The following ERICH3 variants were observed in gnomAD, a reference collection of about 807,000 sequenced individuals.
The protein encoded by ERICH3 is glutamate-rich protein 3.
ERICH3 carries 126 observed loss-of-function variants against 131.1 expected under a neutral mutation model. The ratio of observed to expected loss-of-function variants is 0.96; its 90% CI spans 0.83 to 1.11. The LOEUF is 1.11. Ranked by LOEUF, ERICH3 falls within the 50% of genes most tolerant of loss-of-function variation. The pLI is 0.00. For missense variants in ERICH3, 2,050 were observed against 1,810.7 expected, an observed-to-expected ratio of 1.13 and a Z score of -2.40; for synonymous variants, 695 against 644.6, an observed-to-expected ratio of 1.08 and a Z score of -1.18.
At chr1:74,645,300 T>G (rs1444847546) in intron 3 of ERICH3, among the ~76,000 whole-genome samples, 11 of 152,056 alleles carry the variant, frequency 7.2e-5, no homozygotes, top group Non-Finnish European at 8.8e-5. Context: ...AGTGAATGCA[T>G]GAATGTGAAT....
Position 74,620,750 on chromosome 1 carries a change from G to A in ERICH3, c.984C>T (p.Gly328=), listed in dbSNP as rs1298675534. The change falls in exon 8 of 15, where the codon GGC becomes GGT. Residue 328 remains glycine, a synonymous_variant. Transcript: ENST00000326665. ...TATGTGTACCTTTTTCAAGTAGTTT[G>A]CCTTTGTAGACACAAAGGTTTTCCC... ...CGGENLCVYK[G]KLLEKETFQF... 2 of 1,604,636 alleles carry A rather than the reference G, an allele frequency of 1.2e-6. No individual in the cohort carries two copies. The highest frequency in any genetic ancestry group is 4.5e-5 in the East Asian group (2 of 44,620).
intron 6 of ERICH3, among the ~76,000 whole-genome samples, chr1:74,634,066 C>T (rs945714973): frequency 1.3e-5 from 2 of 152,062 alleles, no homozygotes; most frequent in Non-Finnish European, 2.9e-5. Context: ...CATGTATATA[C>T]TTTACTCTTT....
intron 10 of ERICH3, 106 bp from the exon 11 acceptor site, chr1:74,600,037 C>G (rs1320935147): frequency 1.3e-6 from 1 of 763,594 alleles, no homozygotes; most frequent in Admixed American, 2.8e-5. Context: ...CTTCTCTGAG[C>G]CTTTCTTTGC....
chr1:74,654,356 G>GTATATA (rs142830870), intron 1 of ERICH3, among the ~76,000 whole-genome samples: 7 of 150,130 alleles, frequency 4.7e-5, no homozygotes, highest in African/African-American at 1.5e-4. Context: ...TAGGATATGT[G>GTATATA]TATATATATA....
chr1:74,648,448 G>T (rs965553196), intron 2 of ERICH3, among the ~76,000 whole-genome samples: 2 of 152,116 alleles, frequency 1.3e-5, no homozygotes, highest in Admixed American at 1.3e-4. Context: ...GGCAAGCTCG[G>T]TTTCAGCCAG....
chr1:74,651,780 G>C (rs571194019), intron 1 of ERICH3, among the ~76,000 whole-genome samples: 1 of 152,240 alleles, frequency 6.6e-6, no homozygotes, highest in South Asian at 2.1e-4. Context: ...AAAAAGTTGG[G>C]ATCACATAAA....
At chr1:74,595,274 C>T (rs1364352603) in intron 11 of ERICH3, among the ~76,000 whole-genome samples, 1 of 152,020 alleles carries the variant, frequency 6.6e-6, no homozygotes, top group Non-Finnish European at 1.5e-5. Flanking sequence ...GTGCTTTATA[C>T]TCAATAAATG....
chr1:74,579,378 A>G (rs1647135974), intron 12 of ERICH3: 2 of 984,608 alleles, frequency 2.0e-6, no homozygotes, highest in South Asian at 4.7e-5. Context: ...AAACAATACT[A>G]ACATCATCTG....
Position 74,606,842 on chromosome 1 carries a change from C to T in ERICH3, c.1248G>A (p.Lys416=), listed in dbSNP as rs1648420482. The T allele has an allele frequency of 6.2e-7, 1 of 1,612,682 alleles. No homozygotes were observed. Among genetic ancestry groups the T allele is most frequent in the Non-Finnish European group, 8.5e-7 (1 of 1,179,322 alleles). The change falls in exon 10 of 15, where the codon AAG becomes AAA. Residue 416 remains lysine (K), a synonymous_variant. Coordinates refer to ENST00000326665, the MANE Select transcript of ERICH3 (RefSeq NM_001002912.5). ...KPSLPKSRKE[K]STEKGEELKK... is the part of the protein sequence containing the mutation. Reference sequence around the variant, plus strand: ...TCAGTTCCTCTCCTTTCTCAGTGCTCTTTTCTTTCCTAGATTTCGGCAAAG... The same window carrying T: ...TCAGTTCCTCTCCTTTCTCAGTGCTTTTTTCTTTCCTAGATTTCGGCAAAG...
In ERICH3 at chr1:74,641,369, C is replaced by T. The variant is rs1255090173; in HGVS notation, c.406G>A (p.Val136Ile). 1.9e-6 allele frequency: 3 copies of T among 1,612,748 alleles called. No individual in the cohort carries two copies. The highest frequency in any genetic ancestry group is 2.5e-6 in the Non-Finnish European group (3 of 1,179,422). ...CTGGAATGTCCTTCATCAACCAGAA[C>T]ACTATGGCCACGATTACTCTTTGGG... ...VGPKSNRGHS[V>I]LVDEGHSSPL... The change falls in exon 5 of 15, where the codon GTT becomes ATT. Residue 136 changes from valine to isoleucine, a missense_variant. Val to Ile is a conservative substitution (Grantham distance 29). Transcript: ENST00000326665.
chr1:74,599,421 A>T (rs1648012396), intron 11 of ERICH3, among the ~76,000 whole-genome samples: 1 of 151,864 alleles, frequency 6.6e-6, no homozygotes, highest in Non-Finnish European at 1.5e-5. Flanking sequence ...ACTGGGGCCT[A>T]TTGAAGGGTG....
At position 74,568,219 on chromosome 1, in the gene ERICH3, G is replaced by T. The variant is rs1392905289; in HGVS notation, c.*2239C>A. The T allele has an allele frequency of 1.3e-5, 2 of 152,094 alleles. No homozygotes were observed. Among genetic ancestry groups the T allele is most frequent in the East Asian group, 1.9e-4 (1 of 5,198 alleles). 9.4% of individuals were successfully genotyped at this position (152,094 alleles called of 1,614,324 possible). A position where few individuals can be genotyped will look rare whatever the true frequency, so the allele number is the denominator to read the frequency against. ...TATCAACATAGTATTTGCAGAGAAA[G>T]AATTCACTTATTCAAAATATCACAA... On this transcript the variant is annotated 3_prime_UTR_variant, in exon 15 of 15. Coordinates refer to ENST00000326665, the MANE Select transcript of ERICH3 (RefSeq NM_001002912.5).
rs1646909593 is a variant in ERICH3 at position 74,569,344 on chromosome 1, T to A, written c.*1114A>T. 6.6e-6 allele frequency: 1 copy of A among 152,158 alleles called. No individual in the cohort carries two copies. Among genetic ancestry groups the A allele is most frequent in the South Asian group, 2.1e-4 (1 of 4,828 alleles). The allele number at this position is 152,158 out of a possible 1,614,324, so 9.4% of individuals were successfully genotyped here. ...GCTTAAGGAAATTTTTTTTACCTTC[T>A]CATATAGAGAAATGGTAGACATATA... On this transcript the variant is annotated 3_prime_UTR_variant, in exon 15 of 15. Coordinates refer to ENST00000326665, the MANE Select transcript of ERICH3 (RefSeq NM_001002912.5).
intron 12 of ERICH3, 125 bp downstream of exon 12, chr1:74,589,506 C>A (rs914959740): frequency 4.3e-6 from 4 of 930,274 alleles, no homozygotes; most frequent in Non-Finnish European, 5.0e-6. Context: ...AGAGACACAG[C>A]AAAAAATCTT....
rs1008473782 is a variant in ERICH3, at chr1:74,620,861, C to A, written c.873G>T (p.Met291Ile). ...GGTGCACATTTTTCCCCAAATAGAT[C>A]ATTGTAATAGCTGCATTACTATGTA... ...TSLHSNAAITMIYLGKNVHLS... is the reference protein window; with the variant it reads ...TSLHSNAAITIIYLGKNVHLS... The change falls in exon 8 of 15, where the codon ATG becomes ATT. Residue 291 changes from methionine to isoleucine, a missense_variant. Transcript: ENST00000326665. The A allele has an allele frequency of 1.6e-5, 26 of 1,612,616 alleles. No individual in the cohort carries two copies. The highest frequency in any genetic ancestry group is 2.1e-5 in the Non-Finnish European group (25 of 1,179,182).
chr1:74,588,330 G>C (rs1472876184), intron 12 of ERICH3, among the ~76,000 whole-genome samples: 1 of 152,062 alleles, frequency 6.6e-6, no homozygotes, highest in Non-Finnish European at 1.5e-5. Context: ...ACTAACCTTT[G>C]TCTGGTGGTG....
chr1:74,618,187 A>G (rs1649063621), intron 8 of ERICH3, among the ~76,000 whole-genome samples: 1 of 152,184 alleles, frequency 6.6e-6, no homozygotes, highest in Admixed American at 6.5e-5. Flanking sequence ...AAAACCGTTA[A>G]TATAAGTCAA....
intron 5 of ERICH3, among the ~76,000 whole-genome samples, chr1:74,637,973 G>T (rs1484306176): frequency 2.0e-5 from 3 of 151,932 alleles, no homozygotes; most frequent in Non-Finnish European, 4.4e-5. Context: ...TGACCCAATT[G>T]TTCTAATGCA....
intron 6 of ERICH3, among the ~76,000 whole-genome samples, chr1:74,635,108 C>G (rs1227236882): frequency 6.6e-6 from 1 of 152,016 alleles, no homozygotes; most frequent in Non-Finnish European, 1.5e-5. Flanking sequence ...GTTTAGTTAG[C>G]CTGGACAGTC....
Sources: gnomAD v4.1 joint callset for allele counts (sites outside exome capture counted in the v4.1 genomes callset) on GRCh38, gnomAD v4.1.1 for gene constraint, MANE v1.5 for transcripts, NCBI Gene and HGNC (gene_info 2026-07-23, HGNC 2026-07-21) for gene names.